The following NID1 variants were observed in gnomAD, a reference collection of about 807,000 sequenced individuals.
NID1 encodes the protein nidogen 1.
NID1 carries 76 observed loss-of-function variants against 130.6 expected under a neutral mutation model. The ratio of observed to expected loss-of-function variants is 0.58; its 90% CI spans 0.48 to 0.70. The LOEUF (loss-of-function observed/expected upper bound fraction) is 0.70. Ranked by LOEUF, NID1 falls within the 30% of genes least tolerant of loss-of-function variation. The probability of loss-of-function intolerance (pLI) is 0.00; values close to 1 mark genes in which losing one functional copy is unlikely to be tolerated. For synonymous variants in NID1, 665 were observed against 675.1 expected, an observed-to-expected ratio of 0.98 and a Z score of 0.23; for missense variants, 1,517 against 1,664.8, an observed-to-expected ratio of 0.91 and a Z score of 1.54.
intron 1 of NID1, among the ~76,000 whole-genome samples, chr1:236,062,024 C>T (rs1437559066): frequency 6.6e-6 from 1 of 151,788 alleles, no homozygotes; most frequent in African/African-American, 2.4e-5. Flanking sequence ...GACAGTTCCT[C>T]AAAATATTAA....
At chr1:236,026,574 G>A (rs78349755) in intron 7 of NID1, among the ~76,000 whole-genome samples, 2,982 of 152,184 alleles carry the variant, frequency 0.02, 93 homozygotes, top group African/African-American at 0.066. Flanking sequence ...ATAGGTCAAG[G>A]TGGGGATCAG....
intron 12 of NID1, among the ~76,000 whole-genome samples, chr1:235,999,238 G>A (rs761937556): frequency 1.3e-5 from 2 of 152,220 alleles, no homozygotes; most frequent in Admixed American, 6.5e-5. Flanking sequence ...TGCAGTAAGC[G>A]TTGTTCCATT....
chr1:236,000,625 C>G (rs540235919), intron 12 of NID1, among the ~76,000 whole-genome samples: 61 of 152,322 alleles, frequency 4.0e-4, no homozygotes, highest in African/African-American at 1.3e-3. Flanking sequence ...CCTCCTGAGG[C>G]TGTGTCACAG....
At chr1:236,045,310 A>C in intron 3 of NID1, 147 bp downstream of exon 3, 2 of 581,596 alleles carry the variant, frequency 3.4e-6, no homozygotes, top group Non-Finnish European at 6.0e-6. Flanking sequence ...TAAGTTCATC[A>C]GAAAAAGAGT....
chr1:236,035,370 C>T (rs1313352527), intron 5 of NID1, among the ~76,000 whole-genome samples: 1 of 102,990 alleles, frequency 9.7e-6, no homozygotes, highest in Non-Finnish European at 1.9e-5. Flanking sequence ...ATATGTGCCA[C>T]ATTTTCTTAA....
intron 6 of NID1, among the ~76,000 whole-genome samples, chr1:236,030,464 G>T (rs1279413289): frequency 1.3e-5 from 2 of 151,578 alleles, no homozygotes; most frequent in Non-Finnish European, 1.5e-5. Context: ...TTTTTTAATG[G>T]TTAAAAAAAA....
chr1:236,010,026 A>G (rs1658363591), intron 12 of NID1, among the ~76,000 whole-genome samples: 1 of 152,188 alleles, frequency 6.6e-6, no homozygotes, highest in African/African-American at 2.4e-5. Context: ...TTAAAAAAAC[A>G]AAAAAACAAA....
intron 12 of NID1, among the ~76,000 whole-genome samples, chr1:235,997,604 T>TTTC (rs1401215364): frequency 6.8e-6 from 1 of 147,570 alleles, no homozygotes; most frequent in African/African-American, 2.5e-5. Flanking sequence ...TCCATTACTT[T>TTTC]TTTTTTTTTT....
intron 6 of NID1, 30 bp downstream of exon 6, chr1:236,032,371 C>G (rs1355280674): frequency 1.2e-6 from 2 of 1,608,434 alleles, no homozygotes; most frequent in Non-Finnish European, 1.7e-6. Flanking sequence ...ACTGTGTGAC[C>G]CACTAATTTT....
At chr1:235,998,179 A>G (rs1657980473) in intron 12 of NID1, among the ~76,000 whole-genome samples, 2 of 152,204 alleles carry the variant, frequency 1.3e-5, no homozygotes, top group East Asian at 1.9e-4. Context: ...CTGTGTTGCC[A>G]GTTCTCATGT....
At chr1:236,045,360 T>C (rs1192648522) in intron 3 of NID1, 97 bp downstream of exon 3, 4 of 829,752 alleles carry the variant, frequency 4.8e-6, no homozygotes, top group Non-Finnish European at 7.7e-6. Context: ...CTTAAATCCA[T>C]AGGAACATTT....
intron 5 of NID1, among the ~76,000 whole-genome samples, chr1:236,037,787 C>A (rs1439847416): frequency 6.6e-6 from 1 of 152,142 alleles, no homozygotes; most frequent in Non-Finnish European, 1.5e-5. Flanking sequence ...TTTGTCCAGG[C>A]TGCATAATTT....
chr1:235,997,601 CTTTTTTTT>C (rs11325487), intron 12 of NID1, among the ~76,000 whole-genome samples: 1 of 127,604 alleles, frequency 7.8e-6, no homozygotes, highest in African/African-American at 3.0e-5. Flanking sequence ...AGTTCCATTA[CTTTTTTTT>C]TTTTTTTTTT....
At chr1:236,008,823 C>CACCTGGCT (rs1205354043) in intron 12 of NID1, among the ~76,000 whole-genome samples, 12 of 152,088 alleles carry the variant, frequency 7.9e-5, no homozygotes. Flanking sequence ...TGCACCACCA[C>CACCTGGCT]ACCTGGCTAA....
intron 9 of NID1, among the ~76,000 whole-genome samples, chr1:236,023,628 A>T (rs1342775678): frequency 7.8e-6 from 1 of 127,430 alleles, no homozygotes; most frequent in African/African-American, 3.3e-5. Context: ...TGTATATTTT[A>T]CCGCAAACAA....
At position 235,993,760 on chromosome 1, in the gene NID1, C is replaced by A; in HGVS notation, c.2640G>T (p.Ala880=). The change falls in exon 13 of 20, where the codon GCG becomes GCT. Residue 880 remains alanine, a synonymous_variant. Transcript: ENST00000264187. ...PPGLFVPECD[A]HGHYAPTQCH... is the part of the protein sequence containing the mutation. ...ACTGGGTGGGCGCGTAGTGCCCGTGCGCATCGCACTCAGGAACGAACAGCC... is the reference window on the plus strand; with the variant it reads ...ACTGGGTGGGCGCGTAGTGCCCGTGAGCATCGCACTCAGGAACGAACAGCC... The A allele has an allele frequency of 1.2e-6, 2 of 1,613,914 alleles. No homozygotes were observed. Among genetic ancestry groups the A allele is most frequent in the Non-Finnish European group, 1.7e-6 (2 of 1,179,964 alleles).
At chr1:236,064,078 A>C (rs1255347213) in intron 1 of NID1, among the ~76,000 whole-genome samples, 1 of 152,156 alleles carries the variant, frequency 6.6e-6, no homozygotes, top group East Asian at 1.9e-4. Context: ...TCTGGAATGC[A>C]CACAAGCCTT....
Position 236,022,293 on chromosome 1 carries a change from A to G in NID1, c.2128+1777T>C, listed in dbSNP as rs115062361. ...AAAACAATAAAAATAAAATAAAATA[A>G]ATAAATAAATAGGAGAATGAAACTC... On this transcript the variant is annotated intron_variant, in intron 9 of 19. Coordinates refer to ENST00000264187, the MANE Select transcript of NID1 (RefSeq NM_002508.3). 6.9e-3 allele frequency among the ~76,000 whole-genome samples: 1,052 copies of G among 151,846 alleles called. 16 individuals carry two copies. The highest frequency in any genetic ancestry group is 0.024 in the African/African-American group (1,010 of 41,418).
At chr1:236,029,827 A>AGT in intron 6 of NID1, 77 bp from the exon 7 acceptor site, 1 of 1,446,014 alleles carries the variant, frequency 6.9e-7, no homozygotes, top group South Asian at 1.2e-5. Flanking sequence ...CACAGTGTGG[A>AGT]GTGGGGTTGG....
Sources: allele counts gnomAD v4.1 joint callset (sites outside exome capture counted in the v4.1 genomes callset), GRCh38; gene constraint gnomAD v4.1.1; transcripts MANE v1.5; gene names NCBI Gene and HGNC (gene_info 2026-07-23, HGNC 2026-07-21).